HSF1: variants seen among roughly 807,000 people sequenced by gnomAD.
HSF1 encodes the protein heat shock factor protein 1.
HSF1 carries 32 observed loss-of-function variants against 51.7 expected under a neutral mutation model. That is an observed-to-expected ratio of 0.62 (90% CI 0.47 to 0.83). The LOEUF (loss-of-function observed/expected upper bound fraction) is 0.83, where lower values mean the gene tolerates loss of function less well. Ranked by LOEUF, HSF1 falls within the 40% of genes least tolerant of loss-of-function variation. The probability of loss-of-function intolerance (pLI) is 0.00; values close to 1 mark genes in which losing one functional copy is unlikely to be tolerated. For synonymous variants in HSF1, 396 were observed against 309.7 expected (o/e 1.28, Z -2.92); for missense variants, 727 against 717.0 (o/e 1.01, Z -0.16).
intron 1 of HSF1, among the ~76,000 whole-genome samples, chr8:144,305,977 C>G (rs1744028713): frequency 6.6e-6 from 1 of 152,078 alleles, no homozygotes; most frequent in South Asian, 2.1e-4. Context: ...GGTGATCCGC[C>G]TGCCTTGGCC....
At chr8:144,304,244 C>T (rs1290296949) in intron 1 of HSF1, among the ~76,000 whole-genome samples, 2 of 152,230 alleles carry the variant, frequency 1.3e-5, no homozygotes, top group African/African-American at 4.8e-5. Flanking sequence ...GCTCAGATGC[C>T]ACCAGGCTTA....
intron 1 of HSF1, 80 bp from the exon 2 acceptor site, chr8:144,308,826 G>GGGGCGGCCTGGGGAAGGGGCGGCTTGGGC: frequency 8.8e-7 from 1 of 1,132,546 alleles, no homozygotes; most frequent in South Asian, 1.2e-5. Context: ...CGTTTCAGAA[G>GGGGCGGCCTGGGGAAGGGGCGGCTTGGGC]GGGCGGCCTG....
At position 144,311,476 on chromosome 8, in the gene HSF1, T is replaced by A. The variant is rs782213595; in HGVS notation, c.627-29T>A. On this transcript the variant is annotated intron_variant, in intron 6 of 12. Coordinates refer to ENST00000528838, the MANE Select transcript of HSF1 (RefSeq NM_005526.4). ...GCCCCGGGTACCCCGAGGTGGGGGG[T>A]GGTGGCTGACCTGCACCCTTCCCCA... 3.1e-6 allele frequency: 5 copies of A among 1,611,972 alleles called. No homozygotes were observed. The South Asian group carries it at 5.5e-5, about 18-fold the overall frequency.
chr8:144,295,463 T>C (rs1815389822), intron 1 of HSF1, among the ~76,000 whole-genome samples: 1 of 152,206 alleles, frequency 6.6e-6, no homozygotes, highest in African/African-American at 2.4e-5. Flanking sequence ...AATGCTAGAA[T>C]GATGGTCACG....
rs1564607017 is a variant in HSF1, at chr8:144,291,648, T to C, written c.-110T>C. 2 of 590,838 alleles carry C rather than the reference T, an allele frequency of 3.4e-6. No homozygotes were observed. The highest frequency in any genetic ancestry group is 9.2e-5 in the Admixed American group (2 of 21,672). The allele number at this position is 590,838 out of a possible 1,614,324, so 36.6% of individuals were successfully genotyped here. On this transcript the variant is annotated 5_prime_UTR_variant, in exon 1 of 13. Coordinates refer to ENST00000528838, the MANE Select transcript of HSF1 (RefSeq NM_005526.4). The surrounding 1 kb of genome is among the most constrained non-coding windows in gnomAD (Gnocchi z 4.1). ...CCATGCTGGGCCCCGGGGCTGTGTG[T>C]GCGCAGCGGGCGGCGGCGCGGCCCG...
intron 1 of HSF1, among the ~76,000 whole-genome samples, chr8:144,302,004 A>G (rs990901036): frequency 3.8e-5 from 5 of 132,496 alleles, no homozygotes; most frequent in Non-Finnish European, 4.9e-5. Context: ...TGTCTCTACT[A>G]AAAATACAAA....
At chr8:144,310,173 C>T (rs1439058299) in intron 4 of HSF1, 12 of 418,270 alleles carry the variant, frequency 2.9e-5, no homozygotes, top group Admixed American at 1.2e-4. Context: ...TGCCTGGCTC[C>T]GAGCTTGGCG....
rs1554844829 is a variant in HSF1 at position 144,312,040 on chromosome 8, C to T, written c.938C>T (p.Ala313Val). 1.2e-6 allele frequency: 2 copies of T among 1,610,628 alleles called. No individual in the cohort carries two copies. Among genetic ancestry groups the T allele is most frequent in the Non-Finnish European group, 1.7e-6 (2 of 1,178,836 alleles). ...SPPQSPRVEE[A>V]SPGRPSSVDT... ...CCTCAGAGCCCCCGGGTAGAGGAGG[C>T]GAGTCCCGGGCGCCCATCTTCCGTG... Residue 313 changes from alanine to valine, a missense_variant, in exon 9 of 13, where the codon GCG becomes GTG. Ala to Val is a moderately conservative substitution (Grantham distance 64, BLOSUM62 0). This residue lies in a region of HSF1 where 470 missense variants were observed against 398.8 expected (regional missense o/e 1.18). Coordinates refer to ENST00000528838, the MANE Select transcript of HSF1 (RefSeq NM_005526.4).
intron 9 of HSF1, chr8:144,313,090 C>T: frequency 2.5e-6 from 1 of 398,492 alleles, no homozygotes; most frequent in Non-Finnish European, 4.7e-6. Flanking sequence ...TCACAGCCAC[C>T]AGACCGTGGG....
At chr8:144,311,032 G>C (rs1554844240) in intron 4 of HSF1, 142 bp from the exon 5 acceptor site, 1 of 745,916 alleles carries the variant, frequency 1.3e-6, no homozygotes, top group African/African-American at 1.8e-5. Flanking sequence ...CCACACACAA[G>C]TTCTCATCCT....
Position 144,308,968 on chromosome 8 carries a change from C to T in HSF1, c.180C>T (p.Tyr60=). 1 of 1,614,142 alleles carries T rather than the reference C, an allele frequency of 6.2e-7. No individual in the cohort carries two copies. Among genetic ancestry groups the T allele is most frequent in the Non-Finnish European group, 8.5e-7 (1 of 1,179,962 alleles). ...GQFAKEVLPK[Y]FKHNNMASFV... ...TTGCCAAGGAGGTGCTGCCCAAGTA[C>T]TTCAAGCACAACAACATGGCCAGCT... Residue 60 remains tyrosine (Y), a synonymous_variant, in exon 2 of 13, where the codon TAC becomes TAT. Coordinates refer to ENST00000528838, the MANE Select transcript of HSF1 (RefSeq NM_005526.4).
At chr8:144,296,581 G>C (rs781892660) in intron 1 of HSF1, among the ~76,000 whole-genome samples, 2 of 152,114 alleles carry the variant, frequency 1.3e-5, no homozygotes, top group Non-Finnish European at 2.9e-5. Flanking sequence ...GGCGGATCAC[G>C]AGATCAGGAG....
intron 1 of HSF1, among the ~76,000 whole-genome samples, chr8:144,306,610 G>A (rs985667562): frequency 1.8e-4 from 27 of 152,236 alleles, no homozygotes; most frequent in African/African-American, 6.3e-4. Context: ...CAACCCACCC[G>A]CCTCGGCTTC....
intron 1 of HSF1, among the ~76,000 whole-genome samples, chr8:144,308,498 C>T (rs1165960430): frequency 6.6e-6 from 1 of 152,228 alleles, no homozygotes; most frequent in African/African-American, 2.4e-5. Flanking sequence ...AAAGGTCCTG[C>T]TTAAACAGGT....
At chr8:144,304,206 TG>T (rs1236625048) in intron 1 of HSF1, among the ~76,000 whole-genome samples, 7 of 152,158 alleles carry the variant, frequency 4.6e-5, no homozygotes, top group Admixed American at 1.3e-4. Context: ...CATGGTGAGC[TG>T]GGGTGAGAGG....
At chr8:144,298,048 G>A (rs1815587220) in intron 1 of HSF1, among the ~76,000 whole-genome samples, 1 of 152,142 alleles carries the variant, frequency 6.6e-6, no homozygotes, top group Non-Finnish European at 1.5e-5. Context: ...CACCAGCCAG[G>A]GGCCTCCCAT....
Position 144,314,150 on chromosome 8 carries a change from G to A in HSF1, c.1410G>A (p.Ala470=), listed in dbSNP as rs1421093445. The stretch of plus-strand genomic sequence containing the variant: ...GGAAGCAGCTGGTGCACTACACAGC[G>A]CAGCCGCTGTTCCTGCTGGACCCCG... ...DSGKQLVHYT[A]QPLFLLDPGS... is the part of the protein sequence containing the mutation. The change falls in exon 13 of 13, where the codon GCG becomes GCA. Residue 470 remains alanine (A), a synonymous_variant. Coordinates refer to ENST00000528838, the MANE Select transcript of HSF1 (RefSeq NM_005526.4). The A allele has an allele frequency of 5.6e-6, 8 of 1,418,374 alleles. No individual in the cohort carries two copies. Among genetic ancestry groups the A allele is most frequent in the Non-Finnish European group, 6.6e-6 (7 of 1,068,204 alleles). 87.9% of individuals were successfully genotyped at this position (1,418,374 alleles called of 1,614,324 possible).
At position 144,291,660 on chromosome 8, in the gene HSF1, G is replaced by A. The variant is rs1158405226; in HGVS notation, c.-98G>A. 6 of 650,122 alleles carry A rather than the reference G, an allele frequency of 9.2e-6. No individual in the cohort carries two copies. Among genetic ancestry groups the A allele is most frequent in the Middle Eastern group, 3.2e-4 (1 of 3,134 alleles). 40.3% of individuals were successfully genotyped at this position (650,122 alleles called of 1,614,324 possible). On this transcript the variant is annotated 5_prime_UTR_variant, in exon 1 of 13. Transcript: ENST00000528838. This position sits in a 1 kb window ranked among gnomAD's most constrained non-coding sequence, Gnocchi z 4.1. ...CCGGGGCTGTGTGTGCGCAGCGGGC[G>A]GCGGCGCGGCCCGGAAGGCTGGCGC...
chr8:144,314,166 C>G lies in HSF1; in HGVS notation c.1426C>G (p.Leu476Val). 6.5e-7 allele frequency: 1 copy of G among 1,545,754 alleles called. No individual in the cohort carries two copies. Among genetic ancestry groups the G allele is most frequent in the Non-Finnish European group, 8.7e-7 (1 of 1,145,292 alleles). ...CTACACAGCGCAGCCGCTGTTCCTG[C>G]TGGACCCCGGCTCCGTGGACACCGG... Reference protein sequence around the residue: ...VHYTAQPLFLLDPGSVDTGSN... With the variant: ...VHYTAQPLFLVDPGSVDTGSN... Residue 476 changes from leucine (L) to valine (V), a missense_variant, in exon 13 of 13, where the codon CTG becomes GTG. Around this residue, in one of 2 missense-constraint regions of HSF1, gnomAD observed 470 missense variants for 398.8 expected, o/e 1.18. Coordinates refer to ENST00000528838, the MANE Select transcript of HSF1 (RefSeq NM_005526.4).
Sources: allele counts gnomAD v4.1 joint callset (sites outside exome capture counted in the v4.1 genomes callset), GRCh38; gene constraint gnomAD v4.1.1; regional missense constraint gnomAD v4.1.1; non-coding constraint Gnocchi (gnomAD v3.1); transcripts MANE v1.5; gene names NCBI Gene and HGNC (gene_info 2026-07-23, HGNC 2026-07-21).